The following ECM2 variants were observed in gnomAD, a reference collection of about 807,000 sequenced individuals.
ECM2 encodes the protein extracellular matrix protein 2, female organ and adipocyte specific.
ECM2 carries 57 observed loss-of-function variants against 67.5 expected under a neutral mutation model. The observed-to-expected ratio is 0.84, with a 90% CI of 0.68 to 1.05. The LOEUF (loss-of-function observed/expected upper bound fraction) is 1.05. ECM2 is among the 50% of genes least tolerant of loss of function. The pLI is 0.00. For missense variants in ECM2, 741 were observed against 822.8 expected (o/e 0.90, Z 1.22); for synonymous variants, 258 against 294.5 (o/e 0.88, Z 1.27).
At chr9:92,541,879 C>T in the ECM2 span, among the ~76,000 whole-genome samples, 2 of 151,986 alleles carry the variant, frequency 1.3e-5, no homozygotes, top group East Asian at 1.9e-4. Context: ...CTGCAACCTC[C>T]GCCTCCCAGG....
In ECM2 at chr9:92,517,898, A is replaced by C. The variant is rs1034968985; in HGVS notation, c.293-23T>G. On this transcript the variant is annotated intron_variant, in intron 2 of 9. Transcript: ENST00000344604. ...TTCCTAGAAGAAAACAAAAGCACAA[A>C]TTTAAATTTCTTATGTGATTATCAG... The C allele has an allele frequency of 6.2e-6, 10 of 1,613,004 alleles. No individual in the cohort carries two copies. Among genetic ancestry groups the C allele is most frequent in the Non-Finnish European group, 8.5e-6 (10 of 1,179,368 alleles).
intron 5 of ECM2, 70 bp downstream of exon 5, chr9:92,511,941 C>T: frequency 3.3e-6 from 4 of 1,194,318 alleles, no homozygotes; most frequent in Non-Finnish European, 4.8e-6. Context: ...TCCTCCCTTC[C>T]CCATCTCCAA....
intron 9 of ECM2, among the ~76,000 whole-genome samples, chr9:92,497,584 GT>G (rs910728848): frequency 7.3e-5 from 11 of 150,130 alleles, no homozygotes; most frequent in African/African-American, 2.5e-4. Context: ...AGATCACGCC[GT>G]TGCACTTCTG....
chr9:92,527,947 A>T (rs1435729499), intron 1 of ECM2: 1 of 153,952 alleles, frequency 6.5e-6, no homozygotes, highest in Non-Finnish European at 1.5e-5. Context: ...TAGTTTGACA[A>T]CTAGTAACCA....
At chr9:92,527,288 G>A (rs1848472596) in intron 1 of ECM2, among the ~76,000 whole-genome samples, 1 of 152,144 alleles carries the variant, frequency 6.6e-6, no homozygotes, top group Non-Finnish European at 1.5e-5. Flanking sequence ...TAGGATTACA[G>A]GCATGAGCCC....
the ECM2 span, among the ~76,000 whole-genome samples, chr9:92,556,905 G>A: frequency 6.6e-6 from 1 of 152,058 alleles, no homozygotes; most frequent in South Asian, 2.1e-4. Context: ...TTTTTAGCTT[G>A]TATTTTTGTT....
At chr9:92,518,044 T>A (rs932378433) in intron 2 of ECM2, among the ~76,000 whole-genome samples, 169 bp from the exon 3 acceptor site, 1 of 152,208 alleles carries the variant, frequency 6.6e-6, no homozygotes, top group Non-Finnish European at 1.5e-5. Context: ...AATGCTGAAA[T>A]GCTTTTCACA....
At chr9:92,553,197 C>T in the ECM2 span, among the ~76,000 whole-genome samples, 86 of 152,172 alleles carry the variant, frequency 5.7e-4, no homozygotes, top group African/African-American at 2.0e-3. Context: ...TTTTTGTTTG[C>T]TTTGTCGAAG....
At chr9:92,545,001 G>A in the ECM2 span, among the ~76,000 whole-genome samples, 8 of 152,120 alleles carry the variant, frequency 5.3e-5, no homozygotes, top group African/African-American at 1.4e-4. Context: ...TGGGATTACC[G>A]GTGTGAGCAA....
At chr9:92,530,755 G>GTA (rs2131278557) in intron 1 of ECM2, among the ~76,000 whole-genome samples, 1 of 152,186 alleles carries the variant, frequency 6.6e-6, no homozygotes, top group African/African-American at 2.4e-5. Flanking sequence ...TGTTAACTGA[G>GTA]TATATTATGT....
intron 6 of ECM2, among the ~76,000 whole-genome samples, chr9:92,507,706 C>T (rs1847090473): frequency 6.6e-6 from 1 of 152,174 alleles, no homozygotes; most frequent in East Asian, 1.9e-4. Context: ...TTAGTTGTTT[C>T]AGTCATTAGT....
intron 7 of ECM2, among the ~76,000 whole-genome samples, chr9:92,504,451 G>A (rs986139787): frequency 2.6e-5 from 4 of 152,158 alleles, no homozygotes; most frequent in African/African-American, 9.7e-5. Flanking sequence ...AGGAGAAACG[G>A]AGCTTAGTAA....
chr9:92,528,225 C>T (rs1156758453), intron 1 of ECM2, among the ~76,000 whole-genome samples: 1 of 152,170 alleles, frequency 6.6e-6, no homozygotes, highest in Non-Finnish European at 1.5e-5. Flanking sequence ...GCAGTCCAGG[C>T]CAGTGATCCC....
At chr9:92,502,769 C>G in intron 7 of ECM2, 117 bp from the exon 8 acceptor site, 1 of 763,578 alleles carries the variant, frequency 1.3e-6, no homozygotes, top group Non-Finnish European at 1.9e-6. Flanking sequence ...AAGAGTCTTA[C>G]TGCTCTTTCA....
chr9:92,505,678 A>G lies in ECM2; in HGVS notation c.1319T>C (p.Leu440Ser). Residue 440 changes from leucine (L) to serine (S), a missense_variant, in exon 7 of 10, where the codon TTG becomes TCG. Transcript: ENST00000344604. ...GTTTCCTTCCAATTCTAAGGTGACC[A>G]ACTGATTTAAGTCTATAAAAAATAA... ...DEESLSDLNQ[L>S]VTLELEGNNL... The G allele has an allele frequency of 2.5e-6, 4 of 1,584,062 alleles. No individual in the cohort carries two copies. The highest frequency in any genetic ancestry group is 3.4e-6 in the Non-Finnish European group (4 of 1,171,528).
chr9:92,542,580 G>A, the ECM2 span, among the ~76,000 whole-genome samples: 1 of 151,400 alleles, frequency 6.6e-6, no homozygotes, highest in South Asian at 2.1e-4. Flanking sequence ...GCAGTGGCAC[G>A]ATCATGGCTC....
At chr9:92,499,424 C>A (rs1564355544) in intron 9 of ECM2, among the ~76,000 whole-genome samples, 1 of 152,070 alleles carries the variant, frequency 6.6e-6, no homozygotes, top group African/African-American at 2.4e-5. Context: ...AATAGAAATT[C>A]ATCATTTTGT....
chr9:92,532,077 C>T (rs1292104482), intron 1 of ECM2, among the ~76,000 whole-genome samples: 2 of 126,756 alleles, frequency 1.6e-5, no homozygotes, highest in East Asian at 2.1e-4. Flanking sequence ...CCTGGGCTGG[C>T]CTTGAATCCC....
Position 92,514,718 on chromosome 9 carries a change from ACAGAGAGCACCCG to A in ECM2, c.954_966del (p.Gly319ProfsTer18), listed in dbSNP as rs534479751. The A allele has an allele frequency of 1.9e-3, 3,139 of 1,614,082 alleles. 5 individuals are homozygous for A. The highest frequency in any genetic ancestry group is 2.4e-3 in the Non-Finnish European group (2,777 of 1,179,984). ...TTGATGCAGCTGATGGTCCTGTAGG[ACAGAGAGCACCCG>A]CTTGGCAGGCGCAGTGTGCCTCTGG... On this transcript the variant is annotated frameshift_variant, in exon 4 of 10. Coordinates refer to ENST00000344604, the MANE Select transcript of ECM2 (RefSeq NM_001393.4). LOFTEE classifies it high-confidence loss of function.
Sources: gnomAD v4.1 joint callset for allele counts (sites outside exome capture counted in the v4.1 genomes callset) on GRCh38, gnomAD v4.1.1 for gene constraint, MANE v1.5 for transcripts, NCBI Gene and HGNC (gene_info 2026-07-23, HGNC 2026-07-21) for gene names.